Variants in RANBP2 observed in about 807,000 individuals in gnomAD.
RANBP2 encodes E3 SUMO-protein ligase RanBP2.
A neutral mutation model predicts 303.6 loss-of-function variants in RANBP2; 57 were observed. That is an observed-to-expected ratio of 0.19 (90% CI 0.15 to 0.23). The LOEUF (loss-of-function observed/expected upper bound fraction) is 0.23, where lower values mean the gene tolerates loss of function less well. Among genes scored for constraint, RANBP2 ranks in the 10% least tolerant of loss-of-function variants. The pLI, the probability that RANBP2 is intolerant of heterozygous loss-of-function variation, is 1.00. For synonymous variants in RANBP2, 1,167 were observed against 1,301.5 expected, an observed-to-expected ratio of 0.90 and a Z score of 2.23; for missense variants, 3,138 against 3,780.8, an observed-to-expected ratio of 0.83 and a Z score of 4.46.
chr2:109,154,988 G>C, the RANBP2 span, among the ~76,000 whole-genome samples: 1 of 152,220 alleles, frequency 6.6e-6, no homozygotes, highest in South Asian at 2.1e-4. Context: ...TTGATAGCCA[G>C]CCTTCATAGG....
chr2:109,508,424 G>A, the RANBP2 span, among the ~76,000 whole-genome samples: 2 of 152,140 alleles, frequency 1.3e-5, no homozygotes, highest in African/African-American at 2.4e-5. Context: ...CCCCAGGGCC[G>A]CTCCTCCAGG....
the RANBP2 span, among the ~76,000 whole-genome samples, chr2:109,195,544 T>A: frequency 6.6e-6 from 1 of 152,242 alleles, no homozygotes; most frequent in Non-Finnish European, 1.5e-5. Context: ...TAATTAAGTT[T>A]CCCATTTGCA....
At chr2:109,550,042 T>C in the RANBP2 span, among the ~76,000 whole-genome samples, 1 of 151,970 alleles carries the variant, frequency 6.6e-6, no homozygotes. Context: ...AAGTATCTTT[T>C]TTCTTTGGGA....
the RANBP2 span, among the ~76,000 whole-genome samples, chr2:108,832,428 A>G: frequency 9.7e-5 from 14 of 143,610 alleles, no homozygotes; most frequent in East Asian, 2.3e-3. Flanking sequence ...GCTCACCGCA[A>G]CCTCTGCCTC....
chr2:109,339,310 G>A, the RANBP2 span, among the ~76,000 whole-genome samples: 8 of 152,120 alleles, frequency 5.3e-5, no homozygotes, highest in African/African-American at 1.4e-4. Flanking sequence ...TGAAAGTAAT[G>A]ACATGAAAAA....
the RANBP2 span, among the ~76,000 whole-genome samples, chr2:109,653,120 G>C: frequency 1.3e-5 from 2 of 152,096 alleles, no homozygotes; most frequent in African/African-American, 2.4e-5. Context: ...ACTGTGGCTG[G>C]GCGTTGTGGC....
At chr2:108,991,754 T>C in the RANBP2 span, among the ~76,000 whole-genome samples, 1 of 152,214 alleles carries the variant, frequency 6.6e-6, no homozygotes, top group Non-Finnish European at 1.5e-5. Context: ...GATCAGATAA[T>C]TTCCAGTGAG....
chr2:108,753,810 G>A lies in RANBP2; in HGVS notation c.2056-15G>A, dbSNP rs1467248295. ...TTAAAAACCTAATGATTTCATAAAA[G>A]CACTATTTGTATAGATTTTTCACAG... On this transcript the variant is annotated splice_polypyrimidine_tract_variant and intron_variant, in intron 14 of 28. Coordinates refer to ENST00000283195, the MANE Select transcript of RANBP2 (RefSeq NM_006267.5). The A allele has an allele frequency of 2.5e-6, 4 of 1,611,732 alleles. No individual in the cohort carries two copies. In the Admixed American group the frequency reaches 5.0e-5, roughly 20 times the overall value.
In RANBP2 at chr2:108,725,154, A is replaced by G. The variant is rs541623685; in HGVS notation, c.73-3978A>G. Among the ~76,000 whole-genome samples the G allele has an allele frequency of 6.1e-4, 93 of 152,118 alleles. No homozygotes were observed. The East Asian group carries it at 0.018, about 29-fold the overall frequency. On this transcript the variant is annotated intron_variant, in intron 1 of 28. Transcript: ENST00000283195. ...TTTGGCAGCTTAAGTGAATTCAGGT[A>G]TTTGCTTATAGTGACATCTGCTGTC...
the RANBP2 span, among the ~76,000 whole-genome samples, chr2:109,297,541 C>T: frequency 2.7e-5 from 4 of 149,854 alleles, no homozygotes; most frequent in Non-Finnish European, 4.5e-5. Flanking sequence ...CAGGCCAGTG[C>T]CCCCCACCCA....
At chr2:108,894,995 A>AGTC in the RANBP2 span, 2 of 150,762 alleles carry the variant, frequency 1.3e-5, no homozygotes, top group African/African-American at 5.0e-5. Flanking sequence ...TGACATTTGC[A>AGTC]GTCTAATTAA....
the RANBP2 span, among the ~76,000 whole-genome samples, chr2:108,903,440 G>A: frequency 7.4e-5 from 11 of 149,352 alleles, no homozygotes; most frequent in Non-Finnish European, 1.5e-4. Context: ...AAAGATTTTT[G>A]AAAAAAAAAT....
At chr2:109,615,876 A>G in the RANBP2 span, 1 of 1,613,846 alleles carries the variant, frequency 6.2e-7, no homozygotes, top group Non-Finnish European at 8.5e-7. Flanking sequence ...AGCCTCGGGC[A>G]GCTCTAGTGG....
At chr2:109,694,008 G>A in the RANBP2 span, among the ~76,000 whole-genome samples, 1 of 152,158 alleles carries the variant, frequency 6.6e-6, no homozygotes, top group South Asian at 2.1e-4. Context: ...AACGAAATGA[G>A]GTATGCCTGT....
At chr2:109,235,932 G>A in the RANBP2 span, among the ~76,000 whole-genome samples, 1 of 152,132 alleles carries the variant, frequency 6.6e-6, no homozygotes, top group Non-Finnish European at 1.5e-5. Flanking sequence ...GAGGCTGTGG[G>A]GTTGGTTTCA....
chr2:108,726,268 T>C (rs1406171798), intron 1 of RANBP2, among the ~76,000 whole-genome samples: 2 of 152,214 alleles, frequency 1.3e-5, no homozygotes, highest in Admixed American at 1.3e-4. Flanking sequence ...AGTTACATAC[T>C]AGTCATCTCA....
At chr2:109,146,100 G>T in the RANBP2 span, among the ~76,000 whole-genome samples, 6 of 152,318 alleles carry the variant, frequency 3.9e-5, no homozygotes, top group African/African-American at 1.4e-4. Flanking sequence ...TGAACAGTTA[G>T]ATTTAGTGAA....
the RANBP2 span, among the ~76,000 whole-genome samples, chr2:108,921,292 G>A: frequency 6.6e-6 from 1 of 152,182 alleles, no homozygotes; most frequent in Non-Finnish European, 1.5e-5. Flanking sequence ...TGTCTCCCCT[G>A]CAGCTGCGAC....
At chr2:108,775,624 A>G (rs533850546) in intron 23 of RANBP2, 108 bp from the exon 24 acceptor site, 54 of 1,135,578 alleles carry the variant, frequency 4.8e-5, no homozygotes, top group Admixed American at 1.4e-4. Flanking sequence ...TGTTTATTCT[A>G]TCTTCTCCAG....
Sources: gnomAD v4.1 joint callset for allele counts (sites outside exome capture counted in the v4.1 genomes callset) on GRCh38, gnomAD v4.1.1 for gene constraint, MANE v1.5 for transcripts, NCBI Gene and HGNC (gene_info 2026-07-23, HGNC 2026-07-21) for gene names.